Variants in ANKRD6 observed in about 807,000 individuals in gnomAD.
The protein encoded by ANKRD6 is ankyrin repeat domain 6, also known as ankyrin repeat domain-containing protein 6.
ANKRD6 carries 56 observed loss-of-function variants against 82.3 expected under a neutral mutation model. That is an observed-to-expected ratio of 0.68 (90% CI 0.55 to 0.85). ANKRD6 has a LOEUF of 0.85. Among genes scored for constraint, ANKRD6 ranks in the 40% least tolerant of loss-of-function variants. ANKRD6 has a pLI of 0.00. For synonymous variants in ANKRD6, 347 were observed against 352.1 expected (o/e 0.99, Z 0.16); for missense variants, 852 against 907.6 (o/e 0.94, Z 0.79).
intron 2 of ANKRD6, among the ~76,000 whole-genome samples, chr6:89,567,970 G>C (rs1251343679): frequency 6.6e-6 from 1 of 152,204 alleles, no homozygotes; most frequent in Non-Finnish European, 1.5e-5. Flanking sequence ...GTTAACTTCT[G>C]ACCTCCTGTG....
intron 1 of ANKRD6, among the ~76,000 whole-genome samples, chr6:89,505,327 A>G (rs1046811954): frequency 1.3e-5 from 2 of 152,218 alleles, no homozygotes; most frequent in Non-Finnish European, 2.9e-5. Flanking sequence ...TAAAAGATAC[A>G]GGATTTCTGT....
At chr6:89,627,839 G>A (rs1806224031) in intron 14 of ANKRD6, 143 bp downstream of exon 14, 2 of 657,166 alleles carry the variant, frequency 3.0e-6, no homozygotes, top group Non-Finnish European at 5.1e-6. Context: ...TTATGATACT[G>A]AAATGAGGTT....
At chr6:89,621,631 A>T (rs1483799567) in intron 9 of ANKRD6, 17 of 376,440 alleles carry the variant, frequency 4.5e-5, no homozygotes, top group Non-Finnish European at 8.5e-5. Context: ...GTCTCTGTGC[A>T]TGTAGTTGGC....
At chr6:89,554,822 A>G (rs993413313) in intron 1 of ANKRD6, among the ~76,000 whole-genome samples, 6 of 152,186 alleles carry the variant, frequency 3.9e-5, no homozygotes, top group Admixed American at 6.5e-5. Flanking sequence ...TGTTTGTAAG[A>G]AGATATTCAA....
At chr6:89,545,852 T>C in intron 1 of ANKRD6, among the ~76,000 whole-genome samples, 1 of 152,236 alleles carries the variant, frequency 6.6e-6, no homozygotes, top group East Asian at 1.9e-4. Flanking sequence ...TTGCCCAGAC[T>C]GGAGTGCAGT....
chr6:89,551,227 A>T (rs909740367), intron 1 of ANKRD6, among the ~76,000 whole-genome samples: 2 of 152,188 alleles, frequency 1.3e-5, no homozygotes, highest in Non-Finnish European at 2.9e-5. Flanking sequence ...GCCCCCACCT[A>T]TCGTCAGTAG....
At chr6:89,583,311 A>G (rs1449887503) in intron 2 of ANKRD6, among the ~76,000 whole-genome samples, 1 of 152,222 alleles carries the variant, frequency 6.6e-6, no homozygotes, top group Non-Finnish European at 1.5e-5. Context: ...AGCTAGAAAC[A>G]AGTTTATTAG....
intron 1 of ANKRD6, among the ~76,000 whole-genome samples, chr6:89,513,324 C>T (rs1780786127): frequency 6.6e-6 from 1 of 152,130 alleles, no homozygotes; most frequent in Non-Finnish European, 1.5e-5. Flanking sequence ...TAACTACCAC[C>T]CAAATCAGGA....
intron 13 of ANKRD6, among the ~76,000 whole-genome samples, chr6:89,625,902 T>C (rs1805509171): frequency 6.6e-6 from 1 of 152,060 alleles, no homozygotes; most frequent in South Asian, 2.1e-4. Flanking sequence ...CCACCTAATT[T>C]TTGTATTTTT....
chr6:89,493,644 C>A (rs1188576053), intron 1 of ANKRD6, among the ~76,000 whole-genome samples: 3 of 151,962 alleles, frequency 2.0e-5, no homozygotes, highest in African/African-American at 7.3e-5. Flanking sequence ...AACTCCTGGG[C>A]CCAAGCAGTC....
Position 89,629,148 on chromosome 6 carries a change from T to C in ANKRD6, c.1522T>C (p.Leu508=). ...GGATGAATTAAAAACCTGGTGCATG[T>C]TAAAGATTCAGAATCTGGAGCAGAA... ...LVDELKTWCM[L]KIQNLEQKLS... Residue 508 remains leucine, a synonymous_variant, in exon 15 of 16, where the codon TTA becomes CTA. Transcript: ENST00000339746. 1 of 1,613,846 alleles carries C rather than the reference T, an allele frequency of 6.2e-7. No individual in the cohort carries two copies. The highest frequency in any genetic ancestry group is 8.5e-7 in the Non-Finnish European group (1 of 1,179,846).
In ANKRD6 at chr6:89,555,789, T is replaced by C. The variant is rs1179429515; in HGVS notation, c.-143-11045T>C. On this transcript the variant is annotated intron_variant, in intron 1 of 15. Coordinates refer to ENST00000339746, the MANE Select transcript of ANKRD6 (RefSeq NM_001242809.2). ...GAGACTATGCATGGATTTGTATATC[T>C]CTGGACTTTGTTCTGGGGGAAATAT... Among the ~76,000 whole-genome samples, 2 of 152,030 alleles carry C rather than the reference T, an allele frequency of 1.3e-5. 1 individual carries two copies. The highest frequency in any genetic ancestry group is 2.9e-5 in the Non-Finnish European group (2 of 68,020).
In ANKRD6 at chr6:89,616,659, T is replaced by TA. The variant is rs1449846843; in HGVS notation, c.714+4dup. 1.2e-6 allele frequency: 2 copies of TA among 1,613,852 alleles called. No homozygotes were observed. ...GCAGATACGACCATTGTTAACAATG[T>TA]AAGTTGAGTTGCAACATTGCTTTCT... On this transcript the variant is annotated splice_region_variant and intron_variant, in intron 8 of 15. Transcript: ENST00000339746.
chr6:89,489,246 G>C (rs1777745322), intron 1 of ANKRD6, among the ~76,000 whole-genome samples: 1 of 152,192 alleles, frequency 6.6e-6, no homozygotes, highest in African/African-American at 2.4e-5. Context: ...CCCTGAACCG[G>C]CTGCTGCAGC....
chr6:89,616,169 C>G (rs915067043), intron 7 of ANKRD6, among the ~76,000 whole-genome samples: 2 of 152,198 alleles, frequency 1.3e-5, no homozygotes, highest in Admixed American at 1.3e-4. Flanking sequence ...GTTTTCTGAC[C>G]TCTGACCTCC....
At chr6:89,593,542 C>T (rs1229360762) in intron 2 of ANKRD6, among the ~76,000 whole-genome samples, 1 of 152,180 alleles carries the variant, frequency 6.6e-6, no homozygotes, top group East Asian at 1.9e-4. Flanking sequence ...GACCTCTTTC[C>T]AGAATCATTC....
At chr6:89,518,128 C>T (rs1315859430) in intron 1 of ANKRD6, among the ~76,000 whole-genome samples, 2 of 152,222 alleles carry the variant, frequency 1.3e-5, no homozygotes, top group Middle Eastern at 3.4e-3. Flanking sequence ...TATGGCCGGG[C>T]GTGGTGGCTC....
At chr6:89,616,420 C>G in intron 7 of ANKRD6, 139 bp from the exon 8 acceptor site, 1 of 702,386 alleles carries the variant, frequency 1.4e-6, no homozygotes. Flanking sequence ...CCTCATAACG[C>G]TTTAACAAAG....
chr6:89,500,774 TTA>T (rs1322670612), intron 1 of ANKRD6, among the ~76,000 whole-genome samples: 2 of 152,170 alleles, frequency 1.3e-5, no homozygotes, highest in African/African-American at 2.4e-5. Context: ...TTTAGTGGCT[TTA>T]GGCATTAATA....
Sources: gnomAD v4.1 joint callset for allele counts (sites outside exome capture counted in the v4.1 genomes callset) on GRCh38, gnomAD v4.1.1 for gene constraint, MANE v1.5 for transcripts, NCBI Gene and HGNC (gene_info 2026-07-23, HGNC 2026-07-21) for gene names.